ARHGAP44: variants seen among roughly 807,000 people sequenced by gnomAD.
The protein encoded by ARHGAP44 is rho GTPase-activating protein 44.
ARHGAP44 carries 43 observed loss-of-function variants against 106.8 expected under a neutral mutation model. The observed-to-expected ratio is 0.40, with a 90% CI of 0.32 to 0.52. ARHGAP44 has a LOEUF of 0.52. Among genes scored for constraint, ARHGAP44 ranks in the 20% least tolerant of loss-of-function variants. ARHGAP44 has a pLI of 0.48. For synonymous variants in ARHGAP44, 439 were observed against 410.3 expected, an observed-to-expected ratio of 1.07 and a Z score of -0.85; for missense variants, 866 against 1,050.5, an observed-to-expected ratio of 0.82 and a Z score of 2.43.
intron 1 of ARHGAP44, among the ~76,000 whole-genome samples, chr17:12,839,453 C>A (rs9900388): frequency 0.24 from 36,396 of 152,126 alleles, 6,624 homozygotes; most frequent in African/African-American, 0.5. Flanking sequence ...TGAATTACTA[C>A]AAACGGCAGT....
intron 10 of ARHGAP44, among the ~76,000 whole-genome samples, chr17:12,945,698 G>A (rs1251960046): frequency 1.3e-5 from 2 of 152,154 alleles, no homozygotes; most frequent in Admixed American, 6.5e-5. Context: ...CTAGATGCTG[G>A]AAATTCGAAA....
In ARHGAP44 at chr17:12,984,574, C is replaced by T; in HGVS notation, c.1983C>T (p.Gly661=). 2 of 1,557,662 alleles carry T rather than the reference C, an allele frequency of 1.3e-6. No homozygotes were observed. Among genetic ancestry groups the T allele is most frequent in the Non-Finnish European group, 8.7e-7 (1 of 1,152,912 alleles). The change falls in exon 20 of 21, where the codon GGC becomes GGT. Residue 661 remains glycine, a synonymous_variant. Coordinates refer to ENST00000379672, the MANE Select transcript of ARHGAP44 (RefSeq NM_014859.6). ...LAPIPPKVPF[G]QPGAMADQSA... ...CGATTCCACCCAAGGTCCCCTTTGG[C>T]CAGCCGGGGGCTATGGCAGACCAGT...
chr17:12,891,941 G>A (rs942290096), intron 1 of ARHGAP44, among the ~76,000 whole-genome samples: 1 of 151,344 alleles, frequency 6.6e-6, no homozygotes, highest in South Asian at 2.1e-4. Context: ...GATTGCAGGT[G>A]CGCACCACCA....
In ARHGAP44 at chr17:12,789,516, C is replaced by G. The variant is rs1254206800; in HGVS notation, c.-323C>G. On this transcript the variant is annotated 5_prime_UTR_variant, in exon 1 of 21. Transcript: ENST00000379672. Reference sequence around the variant, plus strand: ...GCCGGCCAGCCAGCCTGCGGAGACTCCCGGGTCCCCGCGCCGGACTGGGAC... The same window carrying G: ...GCCGGCCAGCCAGCCTGCGGAGACTGCCGGGTCCCCGCGCCGGACTGGGAC... The G allele has an allele frequency of 5.4e-6, 1 of 184,582 alleles. No homozygotes were observed. Among genetic ancestry groups the G allele is most frequent in the Non-Finnish European group, 1.1e-5 (1 of 89,382 alleles). The allele number at this position is 184,582 out of a possible 1,614,324, so 11.4% of individuals were successfully genotyped here. A position where few individuals can be genotyped will look rare whatever the true frequency, so the allele number is the denominator to read the frequency against.
At chr17:12,874,829 G>A (rs940299597) in intron 1 of ARHGAP44, among the ~76,000 whole-genome samples, 10 of 152,066 alleles carry the variant, frequency 6.6e-5, no homozygotes, top group Admixed American at 3.9e-4. Flanking sequence ...TGACTGTGCT[G>A]GGTGCAGGTG....
At position 12,789,733 on chromosome 17, in the gene ARHGAP44, C is replaced by T; in HGVS notation, c.-106C>T. On this transcript the variant is annotated 5_prime_UTR_variant, in exon 1 of 21. Transcript: ENST00000379672. ...GCGCCCGGAGGCTCCGCAGTGCCGC[C>T]GCCGTCGCCCGGGAGGCTCCGCGCG... 2 of 1,106,442 alleles carry T rather than the reference C, an allele frequency of 1.8e-6. No homozygotes were observed. The highest frequency in any genetic ancestry group is 1.2e-6 in the Non-Finnish European group (1 of 843,246). 68.5% of individuals were successfully genotyped at this position (1,106,442 alleles called of 1,614,324 possible).
chr17:12,944,061 C>A lies in ARHGAP44; in HGVS notation c.734-8C>A. On this transcript the variant is annotated splice_region_variant and splice_polypyrimidine_tract_variant and intron_variant, in intron 9 of 20. Coordinates refer to ENST00000379672, the MANE Select transcript of ARHGAP44 (RefSeq NM_014859.6). ...AGCTGACTGACTCTTTCTCACTCCTCCCCTCAGAGGCCTGGGTAGAGAAGC... is the reference window on the plus strand; with the variant it reads ...AGCTGACTGACTCTTTCTCACTCCTACCCTCAGAGGCCTGGGTAGAGAAGC... 1 of 1,595,560 alleles carries A rather than the reference C, an allele frequency of 6.3e-7. No homozygotes were observed. The highest frequency in any genetic ancestry group is 8.6e-7 in the Non-Finnish European group (1 of 1,168,494).
chr17:12,868,581 T>C (rs147417601), intron 1 of ARHGAP44, among the ~76,000 whole-genome samples: 2,707 of 103,686 alleles, frequency 0.026, 131 homozygotes, highest in African/African-American at 0.085. Context: ...AAAAGTCATA[T>C]ATATGCATTT....
chr17:12,914,929 C>T (rs2037860687), intron 4 of ARHGAP44, among the ~76,000 whole-genome samples: 1 of 151,872 alleles, frequency 6.6e-6, no homozygotes, highest in East Asian at 1.9e-4. Flanking sequence ...TGTATGGGGA[C>T]ACATACATGT....
At chr17:12,938,524 C>T (rs1366453788) in intron 7 of ARHGAP44, among the ~76,000 whole-genome samples, 3 of 148,150 alleles carry the variant, frequency 2.0e-5, no homozygotes, top group Non-Finnish European at 4.4e-5. Context: ...CATTTTCATA[C>T]CATAGAGCAG....
intron 19 of ARHGAP44, 110 bp from the exon 20 acceptor site, chr17:12,984,421 G>T: frequency 8.1e-7 from 1 of 1,238,100 alleles, no homozygotes; most frequent in Non-Finnish European, 1.1e-6. Flanking sequence ...GGTGGCGAGG[G>T]GCAGGAGGTG....
chr17:12,861,770 GACTAC>G lies in ARHGAP44; in HGVS notation c.54-33168_54-33164del, dbSNP rs758917801. On this transcript the variant is annotated intron_variant, in intron 1 of 20. Coordinates refer to ENST00000379672, the MANE Select transcript of ARHGAP44 (RefSeq NM_014859.6). ...CTGCCTCAGCCTCCCGAGTAGCTGG[GACTAC>G]AGGTACCCACCACCACGCCTGGCTA... Among the ~76,000 whole-genome samples the G allele has an allele frequency of 2.2e-3, 337 of 151,384 alleles. 2 individuals are homozygous for G. Among genetic ancestry groups the G allele is most frequent in the Non-Finnish European group, 4.0e-3 (273 of 67,858 alleles).
intron 1 of ARHGAP44, among the ~76,000 whole-genome samples, chr17:12,892,800 T>G (rs904353631): frequency 2.1e-5 from 3 of 144,720 alleles, no homozygotes; most frequent in African/African-American, 8.0e-5. Flanking sequence ...TGAGTTTTTT[T>G]TTTTTGTCAA....
Position 12,917,887 on chromosome 17 carries a change from C to A in ARHGAP44, c.388-1868C>A, listed in dbSNP as rs79256179. On this transcript the variant is annotated intron_variant, in intron 5 of 20. Transcript: ENST00000379672. ...GGCTACTGTATTAAACTGCCTTGCC[C>A]TAGACCCTGTCTGGCTTCCTCTCTG... is the stretch of plus-strand genomic sequence containing the variant. Among the ~76,000 whole-genome samples the A allele has an allele frequency of 3.6e-3, 545 of 152,304 alleles. 16 individuals are homozygous for A. The East Asian group carries it at 0.066, about 18-fold the overall frequency.
intron 1 of ARHGAP44, among the ~76,000 whole-genome samples, chr17:12,814,246 T>G (rs1001473353): frequency 1.4e-5 from 2 of 145,286 alleles, no homozygotes; most frequent in African/African-American, 5.2e-5. Flanking sequence ...TTTTTTTTTT[T>G]TTTTTTTTTT....
At chr17:12,901,452 G>A (rs1369242160) in intron 3 of ARHGAP44, among the ~76,000 whole-genome samples, 1 of 152,122 alleles carries the variant, frequency 6.6e-6, no homozygotes, top group African/African-American at 2.4e-5. Context: ...CATGGGTGGG[G>A]CCATGGTAGA....
In ARHGAP44 at chr17:12,991,611, G is replaced by A. The variant is rs2040155612; in HGVS notation, c.*1440G>A. 1 of 183,214 alleles carries A rather than the reference G, an allele frequency of 5.5e-6. No individual in the cohort carries two copies. The highest frequency in any genetic ancestry group is 1.2e-5 in the Non-Finnish European group (1 of 85,768). 11.3% of individuals were successfully genotyped at this position (183,214 alleles called of 1,614,324 possible). A position where few individuals can be genotyped will look rare whatever the true frequency, so the allele number is the denominator to read the frequency against. On this transcript the variant is annotated 3_prime_UTR_variant, in exon 21 of 21. Coordinates refer to ENST00000379672, the MANE Select transcript of ARHGAP44 (RefSeq NM_014859.6). ...ATACATGTACAAATCGTTGTCAAAA[G>A]TAACGTTATTAAAATAGATTTATTA...
intron 1 of ARHGAP44, chr17:12,790,390 CTA>C (rs1052567264): frequency 1.3e-5 from 2 of 157,338 alleles, no homozygotes; most frequent in African/African-American, 4.8e-5. Flanking sequence ...TTTTCAGGGA[CTA>C]TGACTGTACG....
intron 1 of ARHGAP44, among the ~76,000 whole-genome samples, chr17:12,849,456 C>T (rs1326680167): frequency 6.6e-6 from 1 of 151,820 alleles, no homozygotes; most frequent in Non-Finnish European, 1.5e-5. Flanking sequence ...TGGGCTTGTT[C>T]ACCTGAATCC....
Sources: gnomAD v4.1 joint callset for allele counts (sites outside exome capture counted in the v4.1 genomes callset) on GRCh38, gnomAD v4.1.1 for gene constraint, MANE v1.5 for transcripts, NCBI Gene and HGNC (gene_info 2026-07-23, HGNC 2026-07-21) for gene names.